Variants in PI4KA observed in about 807,000 individuals in gnomAD.
The protein encoded by PI4KA is PI4-kinase alpha.
Under a neutral mutation model 271.4 loss-of-function variants are expected in PI4KA, and 122 were observed. The ratio of observed to expected loss-of-function variants is 0.45; its 90% CI spans 0.39 to 0.52. The LOEUF is 0.52. Among genes scored for constraint, PI4KA ranks in the 20% least tolerant of loss-of-function variants. PI4KA has a pLI of 0.00. For synonymous variants in PI4KA, 1,041 were observed against 1,078.8 expected, an observed-to-expected ratio of 0.96 and a Z score of 0.69; for missense variants, 1,969 against 2,769.1, an observed-to-expected ratio of 0.71 and a Z score of 6.48.
chr22:20,853,529 A>AT (rs893882773), intron 1 of PI4KA, among the ~76,000 whole-genome samples: 9 of 152,232 alleles, frequency 5.9e-5, no homozygotes, highest in African/African-American at 1.9e-4. Flanking sequence ...TTTCTTGCCT[A>AT]TTTTTTTCTT....
chr22:20,804,421 G>C, intron 11 of PI4KA, 21 bp from the exon 12 acceptor site: 1 of 1,523,224 alleles, frequency 6.6e-7, no homozygotes, highest in Non-Finnish European at 9.1e-7. Context: ...AACCAGAAGA[G>C]GAGATGAGTG....
chr22:20,813,513 G>A lies in PI4KA; in HGVS notation c.857-7C>T. On this transcript the variant is annotated splice_polypyrimidine_tract_variant and splice_region_variant and intron_variant, in intron 7 of 54. Coordinates refer to ENST00000255882, the MANE Select transcript of PI4KA (RefSeq NM_058004.4). The stretch of plus-strand genomic sequence containing the variant: ...CCATCGGGCAAGCAGGAGGCTGGTG[G>A]GAGATAAAGCTGGAAACTCAGCCGT... The A allele has an allele frequency of 6.2e-7, 1 of 1,613,496 alleles. No homozygotes were observed. The highest frequency in any genetic ancestry group is 8.5e-7 in the Non-Finnish European group (1 of 1,179,684).
intron 3 of PI4KA, among the ~76,000 whole-genome samples, chr22:20,833,066 G>A (rs185604493): frequency 3.7e-4 from 56 of 152,112 alleles, no homozygotes; most frequent in Non-Finnish European, 6.3e-4. Context: ...GGATTTTTTT[G>A]GGGGTGGTGC....
intron 47 of PI4KA, among the ~76,000 whole-genome samples, chr22:20,713,684 C>A (rs190939086): frequency 2.7e-4 from 41 of 152,346 alleles, no homozygotes; most frequent in Non-Finnish European, 4.4e-4. Context: ...GTGTTGGGTG[C>A]TGTGAGCTAG....
intron 19 of PI4KA, 120 bp from the exon 20 acceptor site, chr22:20,765,813 G>A: frequency 1.5e-6 from 1 of 661,294 alleles, no homozygotes. Context: ...CTCAGACTGG[G>A]TAGGAAAAGG....
intron 30 of PI4KA, chr22:20,742,995 C>A (rs528439061): frequency 1.0e-4 from 55 of 545,706 alleles, no homozygotes; most frequent in African/African-American, 9.1e-4. Flanking sequence ...AGTGCCACCA[C>A]TGCAGATGTT....
At chr22:20,801,950 T>C (rs757647068) in intron 14 of PI4KA, 23 bp downstream of exon 14, 1 of 1,613,212 alleles carries the variant, frequency 6.2e-7, no homozygotes, top group Non-Finnish European at 8.5e-7. Context: ...TGCTGTCTAC[T>C]CGCCACTTGC....
chr22:20,720,300 C>T (rs1426326258), intron 43 of PI4KA, among the ~76,000 whole-genome samples: 1 of 152,174 alleles, frequency 6.6e-6, no homozygotes, highest in Non-Finnish European at 1.5e-5. Flanking sequence ...TGGCGATCCT[C>T]CTGCCTTGGC....
At chr22:20,776,623 A>C (rs764648897) in intron 19 of PI4KA, among the ~76,000 whole-genome samples, 1 of 152,188 alleles carries the variant, frequency 6.6e-6, no homozygotes, top group Non-Finnish European at 1.5e-5. Flanking sequence ...GGGAGTCTGG[A>C]AGCATCCTGG....
chr22:20,805,015 G>A lies in PI4KA; in HGVS notation c.1319C>T (p.Ala440Val). The part of the protein sequence containing the change: ...PLKLRCQANA[A>V]CVDLMVWAVK... Reference sequence around the variant, plus strand: ...AGCCCACACCATGAGGTCCACACAGGCAGCATTCGCCTGACAGCGCAGTTT... The same window carrying A: ...AGCCCACACCATGAGGTCCACACAGACAGCATTCGCCTGACAGCGCAGTTT... Residue 440 changes from alanine to valine, a missense_variant, in exon 11 of 55, where the codon GCC becomes GTC. Ala to Val is a moderately conservative substitution (Grantham distance 64, BLOSUM62 0). Transcript: ENST00000255882. 1.2e-6 allele frequency: 2 copies of A among 1,614,050 alleles called. No homozygotes were observed. Among genetic ancestry groups the A allele is most frequent in the Non-Finnish European group, 1.7e-6 (2 of 1,179,930 alleles).
At chr22:20,830,757 GT>G (rs2147745089) in intron 3 of PI4KA, among the ~76,000 whole-genome samples, 1 of 152,116 alleles carries the variant, frequency 6.6e-6, no homozygotes, top group Admixed American at 6.5e-5. Context: ...ACTTAGGTGT[GT>G]TTTGTTATTG....
At chr22:20,781,297 T>C (rs1249571563) in intron 19 of PI4KA, among the ~76,000 whole-genome samples, 1 of 152,028 alleles carries the variant, frequency 6.6e-6, no homozygotes, top group Non-Finnish European at 1.5e-5. Flanking sequence ...AAGCTGAGAG[T>C]GTGGAAGGGG....
chr22:20,765,588 A>G lies in PI4KA; in HGVS notation c.2434T>C (p.Ser812Pro), dbSNP rs1932448150. The G allele has an allele frequency of 1.9e-6, 3 of 1,586,884 alleles. No individual in the cohort carries two copies. The highest frequency in any genetic ancestry group is 2.2e-5 in the South Asian group (2 of 90,508). ...GGGAGAGAGATGATCCCCCTACCTGAGCCCTCCACAGCGAATCCCATCAGA... is the reference window on the plus strand; with the variant it reads ...GGGAGAGAGATGATCCCCCTACCTGGGCCCTCCACAGCGAATCCCATCAGA... ...SVLMGFAVEG[S>P]GLWPEEWYEG... Residue 812 changes from serine (S) to proline (P), a missense_variant, in exon 20 of 55, where the codon TCA (serine) becomes CCA (proline). By Grantham distance (74) the Ser-to-Pro change is moderately conservative. Coordinates refer to ENST00000255882, the MANE Select transcript of PI4KA (RefSeq NM_058004.4).
At position 20,727,845 on chromosome 22, in the gene PI4KA, T is replaced by C. The variant is rs1927551809; in HGVS notation, c.4702A>G (p.Ile1568Val). The change falls in exon 40 of 55, where the codon ATT becomes GTT. Residue 1568 changes from isoleucine (I) to valine (V), a missense_variant. This residue lies in a region of PI4KA where 388 missense variants were observed against 521.5 expected (regional missense o/e 0.74). Coordinates refer to ENST00000255882, the MANE Select transcript of PI4KA (RefSeq NM_058004.4). ...ACGAGACGGGTCACTTCGTTCCCAA[T>C]GGCTTCTGTGTTCTTAAACCTACAG... ...LPARFKNTEA[I>V]GNEVTRLVRL... The C allele has an allele frequency of 1.9e-6, 3 of 1,614,010 alleles. No individual in the cohort carries two copies. Among genetic ancestry groups the C allele is most frequent in the Non-Finnish European group, 1.7e-6 (2 of 1,179,912 alleles).
intron 22 of PI4KA, among the ~76,000 whole-genome samples, chr22:20,762,545 T>C (rs1932079306): frequency 6.6e-6 from 1 of 152,120 alleles, no homozygotes; most frequent in Non-Finnish European, 1.5e-5. Flanking sequence ...GAGCCCGTCC[T>C]GAGAACCTGA....
rs146554837 is a variant in PI4KA, at chr22:20,709,359, A to G, written c.6194T>C (p.Met2065Thr). The change falls in exon 54 of 55, where the codon ATG becomes ACG. Residue 2065 changes from methionine (M) to threonine (T), a missense_variant. Met to Thr is a moderately conservative substitution (Grantham distance 81). This residue lies in a region of PI4KA where 110 missense variants were observed against 349.8 expected (regional missense o/e 0.31). Coordinates refer to ENST00000255882, the MANE Select transcript of PI4KA (RefSeq NM_058004.4). ...GAAATTTGCAGCCTCGCGCTCAGTC[A>G]TGTTGGGGCTAAACCTGTGCCTGGG... The part of the protein sequence containing the change: ...KLLKHRFSPN[M>T]TEREAANFIM... 26 of 1,364,420 alleles carry G rather than the reference A, an allele frequency of 1.9e-5. No homozygotes were observed. In the African/African-American group the frequency reaches 3.6e-4, roughly 19 times the overall value. 84.5% of individuals were successfully genotyped at this position (1,364,420 alleles called of 1,614,324 possible).
At chr22:20,717,379 G>A (rs1035172150) in intron 45 of PI4KA, among the ~76,000 whole-genome samples, 4 of 152,256 alleles carry the variant, frequency 2.6e-5, no homozygotes, top group Admixed American at 6.5e-5. Context: ...CCATCCCCTC[G>A]TCTGTGTGAC....
intron 3 of PI4KA, among the ~76,000 whole-genome samples, chr22:20,830,655 A>G (rs1242022394): frequency 6.6e-6 from 1 of 152,034 alleles, no homozygotes; most frequent in Non-Finnish European, 1.5e-5. Flanking sequence ...CATAATATTG[A>G]TATGTGTGGC....
At chr22:20,821,002 T>C (rs112774905) in intron 4 of PI4KA, among the ~76,000 whole-genome samples, 412 of 152,366 alleles carry the variant, frequency 2.7e-3, no homozygotes, top group African/African-American at 8.3e-3. Flanking sequence ...GTAATGCTAA[T>C]TGCCAGCTTC....
Sources: allele counts gnomAD v4.1 joint callset (sites outside exome capture counted in the v4.1 genomes callset), GRCh38; gene constraint gnomAD v4.1.1; regional missense constraint gnomAD v4.1.1; transcripts MANE v1.5; gene names NCBI Gene and HGNC (gene_info 2026-07-23, HGNC 2026-07-21).